The following PEAK1 variants were observed in gnomAD, a reference collection of about 807,000 sequenced individuals.
PEAK1 encodes inactive tyrosine-protein kinase PEAK1.
Under a neutral mutation model 124.7 loss-of-function variants are expected in PEAK1, and 54 were observed. The ratio of observed to expected loss-of-function variants is 0.43; its 90% CI spans 0.35 to 0.54. The LOEUF is 0.54. PEAK1 is among the 20% of genes least tolerant of loss of function. The probability of loss-of-function intolerance (pLI) is 0.01; values close to 1 mark genes in which losing one functional copy is unlikely to be tolerated. For synonymous variants in PEAK1, 719 were observed against 760.0 expected, an observed-to-expected ratio of 0.95 and a Z score of 0.89; for missense variants, 2,046 against 2,134.5, an observed-to-expected ratio of 0.96 and a Z score of 0.82.
chr15:77,409,644 G>A (rs2072233256), intron 1 of PEAK1, among the ~76,000 whole-genome samples: 2 of 152,212 alleles, frequency 1.3e-5, no homozygotes, highest in Admixed American at 6.5e-5. Flanking sequence ...ATATCATTAT[G>A]AGTATAGTGG....
rs777514608 is a variant in PEAK1, at chr15:77,178,998, C to T, written c.2929G>A (p.Ala977Thr). Residue 977 changes from alanine (A) to threonine (T), a missense_variant, in exon 7 of 10, where the codon GCG becomes ACG. By Grantham distance (58) the Ala-to-Thr change is moderately conservative. Transcript: ENST00000682557. ...GGTTTCTCACTGGACTCTCCTTTCG[C>T]CTCTGTGAACCAGTGATGGCGCTGA... ...PVQRHHWFTE[A>T]KGESSEKPAI... 5.0e-6 allele frequency: 8 copies of T among 1,613,984 alleles called. No homozygotes were observed. In the South Asian group the frequency reaches 6.6e-5, roughly 13 times the overall value.
intron 9 of PEAK1, among the ~76,000 whole-genome samples, chr15:77,124,271 C>G (rs1566995879): frequency 6.6e-6 from 1 of 152,230 alleles, no homozygotes; most frequent in Non-Finnish European, 1.5e-5. Flanking sequence ...TTTGCAGACT[C>G]TTCCATTACA....
intron 1 of PEAK1, among the ~76,000 whole-genome samples, chr15:77,415,779 C>T (rs2072828903): frequency 6.6e-6 from 1 of 152,246 alleles, no homozygotes; most frequent in South Asian, 2.1e-4. Flanking sequence ...GGATCCCATT[C>T]CTTATTACCT....
intron 2 of PEAK1, among the ~76,000 whole-genome samples, chr15:77,338,634 TA>T (rs66627554): frequency 0.6 from 85,162 of 142,074 alleles, 25,206 homozygotes; most frequent in East Asian, 0.72. Flanking sequence ...GAAAAATCTT[TA>T]AAAAAAAAAA....
intron 2 of PEAK1, among the ~76,000 whole-genome samples, chr15:77,354,266 C>T (rs1339373502): frequency 1.3e-5 from 2 of 152,136 alleles, no homozygotes; most frequent in Non-Finnish European, 2.9e-5. Flanking sequence ...CATTAAATTG[C>T]CCAACTTGAG....
chr15:77,402,644 T>C (rs150612586), intron 1 of PEAK1: 12,947 of 985,222 alleles, frequency 0.013, 95 homozygotes, highest in Non-Finnish European at 0.015. Flanking sequence ...AACAGAAAAC[T>C]GTGCCAACTA....
chr15:77,249,815 C>G (rs765462474), intron 6 of PEAK1, among the ~76,000 whole-genome samples: 1 of 152,052 alleles, frequency 6.6e-6, no homozygotes, highest in Non-Finnish European at 1.5e-5. Context: ...TGAGCCACTA[C>G]GCCTGGCCCT....
chr15:77,199,932 A>G (rs1009880767), intron 6 of PEAK1, among the ~76,000 whole-genome samples: 6 of 152,246 alleles, frequency 3.9e-5, no homozygotes, highest in African/African-American at 1.4e-4. Flanking sequence ...TGATACAGGC[A>G]CTAAACTAAA....
chr15:77,228,315 T>G (rs2059766336), intron 6 of PEAK1, among the ~76,000 whole-genome samples: 1 of 152,150 alleles, frequency 6.6e-6, no homozygotes, highest in Admixed American at 6.6e-5. Context: ...TCGAGTGGGC[T>G]CACAAAAATT....
intron 6 of PEAK1, among the ~76,000 whole-genome samples, chr15:77,218,490 C>A (rs983678356): frequency 1.1e-4 from 16 of 151,210 alleles, no homozygotes; most frequent in African/African-American, 3.9e-4. Flanking sequence ...TTTTATTATT[C>A]ATTTTATTTA....
chr15:77,248,068 T>A (rs907662221), intron 6 of PEAK1, among the ~76,000 whole-genome samples: 2 of 151,994 alleles, frequency 1.3e-5, no homozygotes, highest in Non-Finnish European at 2.9e-5. Context: ...TTAATTTTGT[T>A]TTTTTTTGGT....
intron 1 of PEAK1, among the ~76,000 whole-genome samples, chr15:77,385,599 G>A (rs1034864015): frequency 1.1e-4 from 17 of 152,220 alleles, no homozygotes; most frequent in African/African-American, 3.6e-4. Context: ...CAGATACTTC[G>A]AGACCCCTAT....
chr15:77,341,894 T>C (rs992219780), intron 2 of PEAK1, among the ~76,000 whole-genome samples: 1 of 152,182 alleles, frequency 6.6e-6, no homozygotes, highest in Non-Finnish European at 1.5e-5. Context: ...AGCTCTGTAC[T>C]GTCTGAAGTG....
chr15:77,293,936 T>C (rs898202929), intron 2 of PEAK1, among the ~76,000 whole-genome samples: 1 of 152,184 alleles, frequency 6.6e-6, no homozygotes. Flanking sequence ...GAAGGGGTCA[T>C]CAAGTCCAAG....
chr15:77,417,416 A>T, intron 1 of PEAK1: 1 of 954,134 alleles, frequency 1.0e-6, no homozygotes, highest in African/African-American at 1.9e-5. Flanking sequence ...GAGCTTTAGT[A>T]ATGAAAGGAC....
chr15:77,330,044 ACAT>A (rs1399846924), intron 2 of PEAK1, among the ~76,000 whole-genome samples: 1 of 152,142 alleles, frequency 6.6e-6, no homozygotes, highest in Non-Finnish European at 1.5e-5. Flanking sequence ...TTTTAAATGC[ACAT>A]AATACTCTGA....
chr15:77,284,020 A>G lies in PEAK1; in HGVS notation c.-412T>C, dbSNP rs765911851. ...AAAATGGTACTTCATTGAAGGATGT[A>G]ATTAGTCTCACTAAAGCAAGAAAAC... is the stretch of plus-strand genomic sequence containing the variant. On this transcript the variant is annotated 5_prime_UTR_variant, in exon 5 of 10. Coordinates refer to ENST00000682557, the MANE Select transcript of PEAK1 (RefSeq NM_001385026.1). The G allele has an allele frequency of 6.1e-5, 60 of 985,144 alleles. No homozygotes were observed. Among genetic ancestry groups the G allele is most frequent in the Non-Finnish European group, 6.9e-5 (57 of 829,814 alleles). 61.0% of individuals were successfully genotyped at this position (985,144 alleles called of 1,614,324 possible). A position where few individuals can be genotyped will look rare whatever the true frequency, so the allele number is the denominator to read the frequency against.
chr15:77,232,726 T>C (rs1034298495), intron 6 of PEAK1, among the ~76,000 whole-genome samples: 1 of 152,162 alleles, frequency 6.6e-6, no homozygotes, highest in Non-Finnish European at 1.5e-5. Context: ...TCAAGGAATG[T>C]TCTTGAAATA....
chr15:77,148,046 A>G (rs2054300011), intron 8 of PEAK1, among the ~76,000 whole-genome samples: 1 of 152,258 alleles, frequency 6.6e-6, no homozygotes. Flanking sequence ...TAATTCAGTT[A>G]TGAACAAAAT....
Sources: gnomAD v4.1 joint callset for allele counts (sites outside exome capture counted in the v4.1 genomes callset) on GRCh38, gnomAD v4.1.1 for gene constraint, MANE v1.5 for transcripts, NCBI Gene and HGNC (gene_info 2026-07-23, HGNC 2026-07-21) for gene names.